KIAA1328: variants seen among roughly 807,000 people sequenced by gnomAD.
KIAA1328 encodes the protein KIAA1328, also known as protein hinderin.
A neutral mutation model predicts 68.1 loss-of-function variants in KIAA1328; 52 were observed. The observed-to-expected ratio is 0.76, with a 90% CI of 0.61 to 0.96. The LOEUF (loss-of-function observed/expected upper bound fraction) is 0.96, where lower values mean the gene tolerates loss of function less well. KIAA1328 is among the 40% of genes least tolerant of loss of function. The pLI, the probability that KIAA1328 is intolerant of heterozygous loss-of-function variation, is 0.00. For missense variants in KIAA1328, 641 were observed against 677.6 expected, an observed-to-expected ratio of 0.95 and a Z score of 0.60; for synonymous variants, 232 against 239.4, an observed-to-expected ratio of 0.97 and a Z score of 0.28.
chr18:36,903,228 G>T (rs11081969), intron 5 of KIAA1328, among the ~76,000 whole-genome samples: 3 of 151,844 alleles, frequency 2.0e-5, no homozygotes, highest in African/African-American at 7.2e-5. Flanking sequence ...AGTAGGTCTC[G>T]TTTGACATTA....
intron 5 of KIAA1328, among the ~76,000 whole-genome samples, chr18:36,919,978 G>T (rs141704647): frequency 1.1e-3 from 160 of 152,114 alleles, no homozygotes; most frequent in African/African-American, 3.7e-3. Flanking sequence ...TTAGACCTTT[G>T]TTAGATGCAC....
At chr18:37,084,975 G>C (rs2057059746) in intron 7 of KIAA1328, among the ~76,000 whole-genome samples, 1 of 152,076 alleles carries the variant, frequency 6.6e-6, no homozygotes, top group Non-Finnish European at 1.5e-5. Context: ...ATTCTATGCG[G>C]TCAGGCCTAG....
chr18:37,044,614 G>A (rs2055389574), intron 6 of KIAA1328, among the ~76,000 whole-genome samples: 1 of 151,908 alleles, frequency 6.6e-6, no homozygotes, highest in African/African-American at 2.4e-5. Flanking sequence ...TGGCCAAGAT[G>A]CTGAAACCTC....
intron 6 of KIAA1328, among the ~76,000 whole-genome samples, chr18:36,986,721 A>G (rs2151392205): frequency 4.6e-4 from 1 of 2,180 alleles, no homozygotes; most frequent in East Asian, 8.1e-3. Context: ...GCAGCCAAAA[A>G]ACACATGAAG....
chr18:36,918,703 C>G (rs899995795), intron 5 of KIAA1328, among the ~76,000 whole-genome samples: 2 of 152,194 alleles, frequency 1.3e-5, no homozygotes, highest in Non-Finnish European at 2.9e-5. Context: ...GCGTGAGCCA[C>G]TGCGCCCGGC....
At chr18:37,063,551 TA>T in intron 6 of KIAA1328, 1 of 722,456 alleles carries the variant, frequency 1.4e-6, no homozygotes, top group Non-Finnish European at 1.7e-6. Flanking sequence ...AAGAAGATAA[TA>T]AAAGTTGCGT....
intron 9 of KIAA1328, among the ~76,000 whole-genome samples, chr18:37,179,283 A>G (rs2059654995): frequency 6.6e-6 from 1 of 152,132 alleles, no homozygotes; most frequent in African/African-American, 2.4e-5. Flanking sequence ...CACTCTCTGC[A>G]TGTCTGCATG....
intron 6 of KIAA1328, among the ~76,000 whole-genome samples, chr18:37,046,503 T>C (rs895221087): frequency 6.6e-6 from 1 of 152,196 alleles, no homozygotes; most frequent in African/African-American, 2.4e-5. Flanking sequence ...AGCACTTCTT[T>C]TACATTTTAA....
chr18:37,139,430 T>C (rs1193893355), intron 7 of KIAA1328, among the ~76,000 whole-genome samples: 1 of 152,222 alleles, frequency 6.6e-6, no homozygotes, highest in Non-Finnish European at 1.5e-5. Context: ...CAGCCAAGTA[T>C]GCCCAGAAAT....
chr18:37,062,982 C>A (rs971175509), intron 6 of KIAA1328, among the ~76,000 whole-genome samples: 2 of 151,678 alleles, frequency 1.3e-5, no homozygotes, highest in Non-Finnish European at 2.9e-5. Context: ...TTAGTTGGGT[C>A]CTCTGCCTAG....
intron 6 of KIAA1328, among the ~76,000 whole-genome samples, chr18:36,988,218 T>G (rs1230739201): frequency 6.6e-6 from 1 of 152,242 alleles, no homozygotes; most frequent in Non-Finnish European, 1.5e-5. Flanking sequence ...AATTTTTATA[T>G]GAATATTTTC....
intron 7 of KIAA1328, among the ~76,000 whole-genome samples, chr18:37,126,889 G>A (rs954318543): frequency 1.3e-5 from 2 of 152,012 alleles, no homozygotes; most frequent in Admixed American, 6.6e-5. Flanking sequence ...ATCCATTCAT[G>A]ATAAAAAAAA....
chr18:37,012,535 G>T (rs1401045459), intron 6 of KIAA1328, among the ~76,000 whole-genome samples: 3 of 152,154 alleles, frequency 2.0e-5, no homozygotes, highest in African/African-American at 7.2e-5. Context: ...TGGAATATAT[G>T]ATTTATAGAT....
At chr18:37,024,090 G>C (rs1386565096) in intron 6 of KIAA1328, among the ~76,000 whole-genome samples, 1 of 151,986 alleles carries the variant, frequency 6.6e-6, no homozygotes, top group South Asian at 2.1e-4. Flanking sequence ...CAACCTCCTG[G>C]GTTCAAGCAC....
intron 7 of KIAA1328, among the ~76,000 whole-genome samples, chr18:37,157,252 G>A (rs879888983): frequency 6.6e-6 from 1 of 152,084 alleles, no homozygotes; most frequent in Non-Finnish European, 1.5e-5. Flanking sequence ...GGGACATGGT[G>A]AGAGTTTTTT....
chr18:36,900,493 TC>T, intron 5 of KIAA1328, among the ~76,000 whole-genome samples: 1 of 152,084 alleles, frequency 6.6e-6, no homozygotes, highest in South Asian at 2.1e-4. Context: ...TGCACTCTTT[TC>T]TAATAAGTGA....
chr18:36,980,735 T>A (rs571656927), intron 6 of KIAA1328, among the ~76,000 whole-genome samples: 8 of 152,200 alleles, frequency 5.3e-5, no homozygotes, highest in African/African-American at 1.9e-4. Flanking sequence ...CGGTGGGAGA[T>A]GAATGAATTA....
intron 6 of KIAA1328, among the ~76,000 whole-genome samples, chr18:37,005,076 A>C (rs946699031): frequency 2.0e-5 from 3 of 152,074 alleles, no homozygotes; most frequent in African/African-American, 4.8e-5. Context: ...AGAATGATAC[A>C]ATGGACTTTC....
intron 5 of KIAA1328, among the ~76,000 whole-genome samples, chr18:36,914,412 G>C (rs2049598360): frequency 6.6e-6 from 1 of 152,144 alleles, no homozygotes. Context: ...CCAGAAGTAA[G>C]TGAGTTTAAT....
Sources: gnomAD v4.1 joint callset for allele counts (sites outside exome capture counted in the v4.1 genomes callset) on GRCh38, gnomAD v4.1.1 for gene constraint, MANE v1.5 for transcripts, NCBI Gene and HGNC (gene_info 2026-07-23, HGNC 2026-07-21) for gene names.